Variants in KDM4C observed in about 807,000 individuals in gnomAD.
The protein encoded by KDM4C is lysine-specific demethylase 4C.
KDM4C carries 81 observed loss-of-function variants against 129.3 expected under a neutral mutation model. The observed-to-expected ratio is 0.63, with a 90% confidence interval of 0.52 to 0.75. KDM4C has a LOEUF of 0.75. Among genes scored for constraint, KDM4C ranks in the 30% least tolerant of loss-of-function variants. KDM4C has a pLI of 0.00. For missense variants in KDM4C, 1,457 were observed against 1,304.0 expected (o/e 1.12, Z -1.81); for synonymous variants, 573 against 456.1 (o/e 1.26, Z -3.26).
At chr9:6,783,994 T>C (rs1340901631) in intron 1 of KDM4C, among the ~76,000 whole-genome samples, 1 of 152,004 alleles carries the variant, frequency 6.6e-6, no homozygotes, top group Non-Finnish European at 1.5e-5. Context: ...TTGAAAGTTA[T>C]ATGGGAGAAA....
intron 17 of KDM4C, among the ~76,000 whole-genome samples, chr9:7,087,441 G>T (rs1396615081): frequency 1.3e-5 from 2 of 151,988 alleles, no homozygotes; most frequent in Non-Finnish European, 2.9e-5. Flanking sequence ...CAATGTTATA[G>T]TACATGTGTA....
intron 8 of KDM4C, among the ~76,000 whole-genome samples, chr9:6,923,203 A>C (rs1821854174): frequency 1.3e-5 from 2 of 151,778 alleles, no homozygotes; most frequent in South Asian, 4.2e-4. Context: ...CGTTTGTTAC[A>C]TATGCAAAGC....
chr9:6,767,441 C>A (rs1045973496), intron 1 of KDM4C, among the ~76,000 whole-genome samples: 1 of 148,866 alleles, frequency 6.7e-6, no homozygotes, highest in Non-Finnish European at 1.5e-5. Context: ...ATGCACGGCC[C>A]CCTTTTTTTT....
chr9:6,855,474 A>G (rs1278981119), intron 5 of KDM4C, among the ~76,000 whole-genome samples: 1 of 150,896 alleles, frequency 6.6e-6, no homozygotes, highest in Admixed American at 6.6e-5. Context: ...AAAAAAAAAA[A>G]AAAAAAAAAA....
chr9:7,092,857 A>T (rs964529640), intron 17 of KDM4C, among the ~76,000 whole-genome samples: 3 of 152,146 alleles, frequency 2.0e-5, no homozygotes, highest in African/African-American at 7.2e-5. Context: ...GTTCTGTTTG[A>T]AGAGATCTCA....
intron 8 of KDM4C, among the ~76,000 whole-genome samples, chr9:6,966,241 G>A (rs1302093611): frequency 1.3e-5 from 2 of 152,036 alleles, no homozygotes; most frequent in Non-Finnish European, 2.9e-5. Flanking sequence ...GGAGTGCAGT[G>A]GCGGGATCTC....
intron 2 of KDM4C, among the ~76,000 whole-genome samples, chr9:6,801,021 A>T (rs949441942): frequency 2.6e-5 from 4 of 152,148 alleles, no homozygotes; most frequent in African/African-American, 9.7e-5. Flanking sequence ...TTGACAGCTC[A>T]CTGTGAGGTG....
At chr9:7,014,993 A>G (rs542586124) in intron 14 of KDM4C, among the ~76,000 whole-genome samples, 16 of 152,080 alleles carry the variant, frequency 1.1e-4, no homozygotes, top group African/African-American at 3.9e-4. Context: ...AAGCACCAGG[A>G]CACAAAATAA....
rs1554714659 is a variant in KDM4C, at chr9:6,842,334, T to TTTTG, written c.436-7173_436-7172insTTTG. 1.1e-4 allele frequency among the ~76,000 whole-genome samples: 14 copies of TTTTG among 124,152 alleles called. 1 individual carries two copies. The highest frequency in any genetic ancestry group is 3.5e-4 in the Admixed American group (4 of 11,274). The allele number at this position is 124,152 out of a possible 152,430, so 81.4% of individuals were successfully genotyped here. A position where few individuals can be genotyped will look rare whatever the true frequency, so the allele number is the denominator to read the frequency against. On this transcript the variant is annotated intron_variant, in intron 4 of 21. Coordinates refer to ENST00000381309, the MANE Select transcript of KDM4C (RefSeq NM_015061.6). ...TTTCTTTTTTTTTTTTTTTTTTTTT[T>TTTTG]GAGACGGAGTCTTGCTCTGTCACCT...
At chr9:7,078,569 T>G (rs1834182159) in intron 17 of KDM4C, among the ~76,000 whole-genome samples, 2 of 152,202 alleles carry the variant, frequency 1.3e-5, no homozygotes, top group African/African-American at 4.8e-5. Context: ...TTTCAGAGAA[T>G]CCTTGTTTTA....
intron 12 of KDM4C, among the ~76,000 whole-genome samples, chr9:6,994,422 T>C (rs1278312187): frequency 6.6e-6 from 1 of 152,190 alleles, no homozygotes; most frequent in Non-Finnish European, 1.5e-5. Flanking sequence ...ACCTCTCCTC[T>C]TCCACCTCTA....
intron 18 of KDM4C, among the ~76,000 whole-genome samples, chr9:7,112,143 T>C (rs985339540): frequency 2.6e-5 from 4 of 152,142 alleles, no homozygotes; most frequent in Non-Finnish European, 2.9e-5. Flanking sequence ...GTAGGGAAGA[T>C]TAAAAAGAAA....
intron 8 of KDM4C, among the ~76,000 whole-genome samples, chr9:6,972,499 G>T (rs972835740): frequency 1.3e-5 from 2 of 152,110 alleles, no homozygotes. Flanking sequence ...TTAAGTTGGT[G>T]TATTAATTCA....
At chr9:6,866,768 G>C (rs926716428) in intron 5 of KDM4C, among the ~76,000 whole-genome samples, 1 of 151,784 alleles carries the variant, frequency 6.6e-6, no homozygotes, top group Non-Finnish European at 1.5e-5. Context: ...TCAAAGGAAG[G>C]GGTGCTGAGG....
At chr9:6,933,494 T>C (rs528778702) in intron 8 of KDM4C, among the ~76,000 whole-genome samples, 23 of 152,318 alleles carry the variant, frequency 1.5e-4, no homozygotes, top group African/African-American at 4.8e-4. Context: ...GTGATTCTGA[T>C]GATGAACAGT....
In KDM4C at chr9:6,854,306, A is replaced by G. The variant is rs544993248; in HGVS notation, c.629+4606A>G. Among the ~76,000 whole-genome samples the G allele has an allele frequency of 3.3e-5, 5 of 152,202 alleles. No individual in the cohort carries two copies. In the East Asian group the frequency reaches 9.7e-4, roughly 29 times the overall value. On this transcript the variant is annotated intron_variant, in intron 5 of 21. Transcript: ENST00000381309. ...CACTTTGGGAGGCCGAGGCGGGCGG[A>G]TCACCTGAGGTCAGGAGCTCGAGAC...
At chr9:6,868,257 C>G (rs943658561) in intron 5 of KDM4C, among the ~76,000 whole-genome samples, 6 of 151,830 alleles carry the variant, frequency 4.0e-5, no homozygotes, top group Non-Finnish European at 7.4e-5. Context: ...TTTAGGTGAA[C>G]TAGAGACACT....
At chr9:6,777,951 C>T (rs1486697095) in intron 1 of KDM4C, among the ~76,000 whole-genome samples, 1 of 144,232 alleles carries the variant, frequency 6.9e-6, no homozygotes, top group Non-Finnish European at 1.5e-5. Flanking sequence ...AAGACAGGAT[C>T]TCACTCTTTC....
chr9:6,932,746 C>T (rs60853161), intron 8 of KDM4C, among the ~76,000 whole-genome samples: 1 of 152,022 alleles, frequency 6.6e-6, no homozygotes, highest in East Asian at 1.9e-4. Flanking sequence ...GACATTTGAC[C>T]ACGTTTAGGG....
Sources: allele counts gnomAD v4.1 joint callset (sites outside exome capture counted in the v4.1 genomes callset), GRCh38; gene constraint gnomAD v4.1.1; transcripts MANE v1.5; gene names NCBI Gene and HGNC (gene_info 2026-07-23, HGNC 2026-07-21).